The following NCAM1 variants were observed in gnomAD, a reference collection of about 807,000 sequenced individuals.
The protein encoded by NCAM1 is neural cell adhesion molecule 1.
In NCAM1, 14 loss-of-function variants were observed where a neutral mutation model predicts 109.8. The ratio of observed to expected loss-of-function variants is 0.13; its 90% CI spans 0.08 to 0.20. The LOEUF (loss-of-function observed/expected upper bound fraction) is 0.20, where lower values mean the gene tolerates loss of function less well. Among genes scored for constraint, NCAM1 ranks in the 10% least tolerant of loss-of-function variants. NCAM1 has a pLI of 1.00. For synonymous variants in NCAM1, 418 were observed against 442.9 expected (o/e 0.94, Z 0.70); for missense variants, 774 against 1,109.9 (o/e 0.70, Z 4.30).
chr11:113,188,055 A>G (rs1471821811), intron 1 of NCAM1, among the ~76,000 whole-genome samples: 1 of 152,148 alleles, frequency 6.6e-6, no homozygotes, highest in East Asian at 1.9e-4. Context: ...GTTTGTTGCT[A>G]CTGTTGCTGC....
chr11:113,169,163 G>A (rs552412564), intron 1 of NCAM1, among the ~76,000 whole-genome samples: 1 of 151,814 alleles, frequency 6.6e-6, no homozygotes, highest in African/African-American at 2.4e-5. Context: ...GATTGACCTA[G>A]CTGATAGCAA....
chr11:113,094,276 C>T (rs1431706146), intron 1 of NCAM1, among the ~76,000 whole-genome samples: 1 of 152,174 alleles, frequency 6.6e-6, no homozygotes, highest in African/African-American at 2.4e-5. Flanking sequence ...TAGGGGAAAA[C>T]ATTCTATCGT....
intron 1 of NCAM1, among the ~76,000 whole-genome samples, chr11:113,167,786 C>A (rs1284891279): frequency 6.6e-6 from 1 of 152,114 alleles, no homozygotes; most frequent in African/African-American, 2.4e-5. Flanking sequence ...GGCACTCTGC[C>A]AGGTTGGCAG....
intron 19 of NCAM1, among the ~76,000 whole-genome samples, chr11:113,272,229 GT>G (rs1946298333): frequency 6.6e-6 from 1 of 152,108 alleles, no homozygotes; most frequent in Admixed American, 6.6e-5. Context: ...AAATTCTAGG[GT>G]TTTGTGTTTT....
rs370915438 is a variant in NCAM1 at position 113,250,909 on chromosome 11, T to C, written c.1828+4539T>C. On this transcript the variant is annotated intron_variant, in intron 15 of 19. Transcript: ENST00000316851. ...ACCTCCCATGCTCAAGCAATTCTCC[T>C]GCCTCAGCCTCCTGCGTAGCTGGGA... Among the ~76,000 whole-genome samples, 33 of 152,360 alleles carry C rather than the reference T, an allele frequency of 2.2e-4. No individual in the cohort carries two copies. In the East Asian group the frequency reaches 2.7e-3, roughly 12 times the overall value.
intron 1 of NCAM1, among the ~76,000 whole-genome samples, chr11:113,131,180 T>C (rs1236158293): frequency 6.6e-6 from 1 of 152,168 alleles, no homozygotes; most frequent in Admixed American, 6.5e-5. Flanking sequence ...TTTTTTATGT[T>C]CTTTCTAAAT....
rs567437920 is a variant in NCAM1 at position 113,144,658 on chromosome 11, G to T, written c.53-57721G>T. On this transcript the variant is annotated intron_variant, in intron 1 of 19. Coordinates refer to ENST00000316851, the MANE Select transcript of NCAM1 (RefSeq NM_181351.5). ...ATGTTGGATTTTAATTATAAAGATC[G>T]GTTCAGCATTTGTATTTTCTGGGTC... Among the ~76,000 whole-genome samples the T allele has an allele frequency of 1.1e-3, 172 of 152,224 alleles. 1 individual carries two copies. The highest frequency in any genetic ancestry group is 9.3e-3 in the South Asian group (45 of 4,828).
intron 1 of NCAM1, among the ~76,000 whole-genome samples, chr11:113,098,401 G>A (rs970195058): frequency 6.6e-6 from 1 of 152,024 alleles, no homozygotes; most frequent in Non-Finnish European, 1.5e-5. Flanking sequence ...AATACCTAAG[G>A]CAAGGTAGGT....
chr11:113,044,478 A>G (rs1223901755), intron 1 of NCAM1, among the ~76,000 whole-genome samples: 1 of 152,030 alleles, frequency 6.6e-6, no homozygotes, highest in Non-Finnish European at 1.5e-5. Flanking sequence ...TGAGGTCAAG[A>G]GTTCGAGACC....
At chr11:113,000,847 T>TATATATATATATATATAC (rs1306306918) in intron 1 of NCAM1, among the ~76,000 whole-genome samples, 15 of 113,582 alleles carry the variant, frequency 1.3e-4, no homozygotes, top group African/African-American at 4.9e-4. Context: ...TATATATATA[T>TATATATATATATATATAC]ACACAAAAAA....
intron 1 of NCAM1, among the ~76,000 whole-genome samples, chr11:113,057,424 A>G (rs1015720122): frequency 3.3e-5 from 5 of 152,052 alleles, no homozygotes; most frequent in Non-Finnish European, 5.9e-5. Context: ...GGCTTATCCT[A>G]TAGGCAAAGG....
At chr11:113,016,306 G>A (rs1555075264) in intron 1 of NCAM1, among the ~76,000 whole-genome samples, 1 of 152,128 alleles carries the variant, frequency 6.6e-6, no homozygotes, top group Non-Finnish European at 1.5e-5. Context: ...TAAGTTTTAG[G>A]GAGGCCAAGC....
chr11:113,093,984 C>T (rs1939479969), intron 1 of NCAM1, among the ~76,000 whole-genome samples: 1 of 152,208 alleles, frequency 6.6e-6, no homozygotes, highest in African/African-American at 2.4e-5. Flanking sequence ...ACAAACACAC[C>T]TGCAAGCTGC....
At chr11:113,151,811 C>A (rs1417779739) in intron 1 of NCAM1, among the ~76,000 whole-genome samples, 16 of 152,184 alleles carry the variant, frequency 1.1e-4, no homozygotes, top group African/African-American at 3.9e-4. Context: ...CTGTTCTTAT[C>A]CCCAGTGTAG....
chr11:113,130,611 A>G (rs1941349735), intron 1 of NCAM1: 1 of 152,186 alleles, frequency 6.6e-6, no homozygotes, highest in South Asian at 2.1e-4. Context: ...TTGTGACATC[A>G]TTTGTACCAT....
intron 15 of NCAM1, among the ~76,000 whole-genome samples, chr11:113,248,928 G>A (rs1364804603): frequency 1.3e-5 from 2 of 152,172 alleles, no homozygotes; most frequent in African/African-American, 4.8e-5. Flanking sequence ...ATGGCATCAT[G>A]TCACTGCAGG....
chr11:113,068,250 T>A (rs983551428), intron 1 of NCAM1, among the ~76,000 whole-genome samples: 10 of 152,264 alleles, frequency 6.6e-5, no homozygotes, highest in Non-Finnish European at 1.2e-4. Flanking sequence ...AACATGGGCT[T>A]GTTGATAAGT....
chr11:113,042,102 C>T (rs554178490), intron 1 of NCAM1, among the ~76,000 whole-genome samples: 27 of 152,304 alleles, frequency 1.8e-4, no homozygotes, highest in African/African-American at 6.3e-4. Flanking sequence ...CGCCCTGTGG[C>T]ATTTGATGTT....
chr11:113,195,495 A>ATTTT (rs561856662), intron 1 of NCAM1, among the ~76,000 whole-genome samples: 16 of 85,580 alleles, frequency 1.9e-4, no homozygotes, highest in Admixed American at 3.1e-4. Flanking sequence ...CCCTTAGTAG[A>ATTTT]TTTTTTTTTT....
Sources: allele counts gnomAD v4.1 joint callset (sites outside exome capture counted in the v4.1 genomes callset), GRCh38; gene constraint gnomAD v4.1.1; transcripts MANE v1.5; gene names NCBI Gene and HGNC (gene_info 2026-07-23, HGNC 2026-07-21).